ACSF2: variants seen among roughly 807,000 people sequenced by gnomAD.
ACSF2 encodes acyl-CoA synthetase family member 2.
Under a neutral mutation model 79.3 loss-of-function variants are expected in ACSF2, and 52 were observed. That is an observed-to-expected ratio of 0.66 (90% CI 0.53 to 0.83). The LOEUF (loss-of-function observed/expected upper bound fraction) is 0.83. ACSF2 is among the 40% of genes least tolerant of loss of function. The pLI, the probability that ACSF2 is intolerant of heterozygous loss-of-function variation, is 0.00. For missense variants in ACSF2, 661 were observed against 803.3 expected (o/e 0.82, Z 2.14); for synonymous variants, 283 against 312.6 (o/e 0.91, Z 1.00).
intron 1 of ACSF2, among the ~76,000 whole-genome samples, chr17:50,431,621 A>G (rs1337896153): frequency 2.0e-5 from 3 of 152,210 alleles, no homozygotes; most frequent in Admixed American, 6.5e-5. Flanking sequence ...CAGCCTCCCA[A>G]GTAGCTAGGA....
rs2032525971 is a variant in ACSF2, at chr17:50,464,096, G to A, written c.1139-122G>A. 6 of 1,289,192 alleles carry A rather than the reference G, an allele frequency of 4.7e-6. No individual in the cohort carries two copies. The Admixed American group carries it at 8.6e-5, about 19-fold the overall frequency. 79.9% of individuals were successfully genotyped at this position (1,289,192 alleles called of 1,614,324 possible). A position where few individuals can be genotyped will look rare whatever the true frequency, so the allele number is the denominator to read the frequency against. On this transcript the variant is annotated intron_variant, in intron 9 of 15. Coordinates refer to ENST00000300441, the MANE Select transcript of ACSF2 (RefSeq NM_025149.6). ...ACCAGCCCAGGGCCAGCTGCCAGGT[G>A]TAGGAAAGGCTCGGGGTCAGAGGAG...
chr17:50,469,474 C>T (rs1337301635), intron 10 of ACSF2, among the ~76,000 whole-genome samples: 6 of 152,246 alleles, frequency 3.9e-5, no homozygotes, highest in East Asian at 1.9e-4. Context: ...ACCCGAGCTC[C>T]TTCCCCACCC....
chr17:50,431,592 T>C (rs576873786), intron 1 of ACSF2, among the ~76,000 whole-genome samples: 1 of 152,326 alleles, frequency 6.6e-6, no homozygotes, highest in South Asian at 2.1e-4. Context: ...ACTTCTGGGC[T>C]CAAGCATTCC....
intron 2 of ACSF2, 40 bp downstream of exon 2, chr17:50,460,912 A>G: frequency 1.3e-6 from 2 of 1,572,368 alleles, no homozygotes; most frequent in East Asian, 2.3e-5. Context: ...GGCAAGTACT[A>G]GCTCCCAAGC....
At chr17:50,465,610 C>A in intron 10 of ACSF2, 1 of 1,505,048 alleles carries the variant, frequency 6.6e-7, no homozygotes, top group South Asian at 1.2e-5. Context: ...TATTAGGTAG[C>A]AGATCTAGGA....
intron 1 of ACSF2, chr17:50,427,005 G>T: frequency 1.3e-6 from 2 of 1,535,318 alleles, no homozygotes; most frequent in South Asian, 1.2e-5. Flanking sequence ...TTCCCGGTGT[G>T]ACCAGTCCTT....
At chr17:50,468,032 G>C (rs1393161435) in intron 10 of ACSF2, 2 of 1,573,556 alleles carry the variant, frequency 1.3e-6, no homozygotes, top group South Asian at 2.4e-5. Flanking sequence ...CCACAGCCAG[G>C]AGCTCACCTT....
Position 50,472,507 on chromosome 17 carries a change from T to G in ACSF2, c.1403T>G (p.Val468Gly). 2.5e-6 allele frequency: 4 copies of G among 1,612,968 alleles called. No homozygotes were observed. Among genetic ancestry groups the G allele is most frequent in the Non-Finnish European group, 3.4e-6 (4 of 1,179,488 alleles). Residue 468 changes from valine (V) to glycine (G), a missense_variant, in exon 12 of 16, where the codon GTC becomes GGC. Physicochemically the swap from Val to Gly is moderately radical, Grantham distance 109. Transcript: ENST00000300441. ...GAGCTGTGCATCCGAGGGTACTGCG[T>G]CATGCTGGGCTACTGGGGTGAGCCT... is the stretch of plus-strand genomic sequence containing the variant. ...PGELCIRGYCVMLGYWGEPQK... is the reference protein window; with the variant it reads ...PGELCIRGYCGMLGYWGEPQK...
intron 10 of ACSF2, chr17:50,465,268 A>G (rs2032625175): frequency 6.2e-7 from 1 of 1,613,648 alleles, no homozygotes; most frequent in East Asian, 2.2e-5. Flanking sequence ...AGAGGGACAT[A>G]GGGGACCTGT....
At chr17:50,456,250 C>T (rs1159832341) in intron 1 of ACSF2, among the ~76,000 whole-genome samples, 2 of 152,162 alleles carry the variant, frequency 1.3e-5, no homozygotes, top group Non-Finnish European at 2.9e-5. Flanking sequence ...GACTTCCTGT[C>T]CTTCATGGAG....
chr17:50,451,677 T>C (rs894951245), intron 1 of ACSF2, among the ~76,000 whole-genome samples: 14 of 152,238 alleles, frequency 9.2e-5, no homozygotes, highest in African/African-American at 3.1e-4. Flanking sequence ...CTCGAACTCC[T>C]GACCTCTGGT....
intron 10 of ACSF2, chr17:50,468,605 G>C (rs773474156): frequency 6.2e-7 from 1 of 1,614,224 alleles, no homozygotes; most frequent in Non-Finnish European, 8.5e-7. Context: ...GGCCCGGAAC[G>C]AATTGGCAGC....
At chr17:50,461,951 T>TGTGTGTGTGTGCGCGC (rs112810352) in intron 4 of ACSF2, among the ~76,000 whole-genome samples, 39 of 150,480 alleles carry the variant, frequency 2.6e-4, no homozygotes, top group African/African-American at 9.1e-4. Flanking sequence ...TGTGTGTGTG[T>TGTGTGTGTGTGCGCGC]GCGTGTGTCC....
At chr17:50,462,611 A>G (rs2032417369) in intron 6 of ACSF2, 26 bp downstream of exon 6, 1 of 1,605,548 alleles carries the variant, frequency 6.2e-7, no homozygotes, top group East Asian at 2.2e-5. Context: ...CCAGGCCCCA[A>G]GCCCAGATGG....
In ACSF2 at chr17:50,464,136, C is replaced by T. The variant is rs544118663; in HGVS notation, c.1139-82C>T. On this transcript the variant is annotated intron_variant, in intron 9 of 15. Transcript: ENST00000300441. ...GGTCAGAGGAGAAAAGGGAATGTTCCTCCCCTGAATGAGCTGTAGGTGAAA... is the reference window on the plus strand; with the variant it reads ...GGTCAGAGGAGAAAAGGGAATGTTCTTCCCCTGAATGAGCTGTAGGTGAAA... 168 of 1,460,554 alleles carry T rather than the reference C, an allele frequency of 1.2e-4. No individual in the cohort carries two copies. In the East Asian group the frequency reaches 3.6e-3, roughly 31 times the overall value. The allele number at this position is 1,460,554 out of a possible 1,614,324, so 90.5% of individuals were successfully genotyped here. A position where few individuals can be genotyped will look rare whatever the true frequency, so the allele number is the denominator to read the frequency against.
At chr17:50,449,716 T>C (rs1176555323) in intron 1 of ACSF2, among the ~76,000 whole-genome samples, 1 of 152,156 alleles carries the variant, frequency 6.6e-6, no homozygotes, top group Non-Finnish European at 1.5e-5. Flanking sequence ...TCCTGGCTAC[T>C]TCATTTCCTT....
chr17:50,443,472 A>T (rs187468065), intron 1 of ACSF2, among the ~76,000 whole-genome samples: 34 of 152,340 alleles, frequency 2.2e-4, no homozygotes, highest in Admixed American at 6.5e-4. Flanking sequence ...GTGCAAACTG[A>T]AGATCGATTT....
chr17:50,429,833 C>G (rs556643157), intron 1 of ACSF2, among the ~76,000 whole-genome samples: 29 of 152,180 alleles, frequency 1.9e-4, no homozygotes, highest in African/African-American at 6.5e-4. Context: ...TCTTTCTCCC[C>G]AGAAGGAAAG....
chr17:50,444,712 A>G (rs2031184511), intron 1 of ACSF2, among the ~76,000 whole-genome samples: 1 of 151,660 alleles, frequency 6.6e-6, no homozygotes, highest in South Asian at 2.1e-4. Context: ...CATAATATCC[A>G]TATTTTTCAT....
Sources: allele counts gnomAD v4.1 joint callset (sites outside exome capture counted in the v4.1 genomes callset), GRCh38; gene constraint gnomAD v4.1.1; transcripts MANE v1.5; gene names NCBI Gene and HGNC (gene_info 2026-07-23, HGNC 2026-07-21).